Variants in ADGRF5 observed in about 807,000 individuals in gnomAD.
ADGRF5 encodes the protein G-protein coupled receptor 116.
ADGRF5 carries 75 observed loss-of-function variants against 132.3 expected under a neutral mutation model. The ratio of observed to expected loss-of-function variants is 0.57; its 90% CI spans 0.47 to 0.69. The LOEUF is 0.69. Ranked by LOEUF, ADGRF5 falls within the 30% of genes least tolerant of loss-of-function variation. The probability of loss-of-function intolerance (pLI) is 0.00; values close to 1 mark genes in which losing one functional copy is unlikely to be tolerated. For synonymous variants in ADGRF5, 629 were observed against 597.6 expected, an observed-to-expected ratio of 1.05 and a Z score of -0.77; for missense variants, 1,516 against 1,630.6, an observed-to-expected ratio of 0.93 and a Z score of 1.21.
At chr6:46,922,373 C>A, upstream of ADGRF5, among the ~76,000 whole-genome samples, 1 of 152,280 alleles carries the variant, frequency 6.6e-6, no homozygotes, top group East Asian at 1.9e-4. Context: ...CGCGGGAGGG[C>A]TGTACCTCAA....
chr6:46,857,286 T>A (rs1769166103), intron 17 of ADGRF5, among the ~76,000 whole-genome samples: 1 of 152,186 alleles, frequency 6.6e-6, no homozygotes, highest in African/African-American at 2.4e-5. Context: ...TCATTACATA[T>A]GAACTACATA....
chr6:46,918,953 A>G (rs78519793), intron 1 of ADGRF5, among the ~76,000 whole-genome samples: 4,594 of 152,322 alleles, frequency 0.03, 219 homozygotes, highest in African/African-American at 0.1. Context: ...ATTAAAAACA[A>G]CAAACAAACA....
At chr6:46,896,637 A>G (rs1774205867) in intron 3 of ADGRF5, among the ~76,000 whole-genome samples, 1 of 146,262 alleles carries the variant, frequency 6.8e-6, no homozygotes, top group Admixed American at 6.8e-5. Context: ...TAACAACCCT[A>G]TAAAGTAATA....
intron 1 of ADGRF5, among the ~76,000 whole-genome samples, chr6:46,947,062 C>A (rs906393799): frequency 6.6e-6 from 1 of 152,136 alleles, no homozygotes; most frequent in Non-Finnish European, 1.5e-5. Flanking sequence ...AATATATGGT[C>A]TTGAATTTTC....
At chr6:46,946,384 G>A (rs972902950) in intron 1 of ADGRF5, among the ~76,000 whole-genome samples, 1 of 152,196 alleles carries the variant, frequency 6.6e-6, no homozygotes, top group Non-Finnish European at 1.5e-5. Flanking sequence ...ATTTGCTGAG[G>A]TACACTGGGG....
chr6:46,898,456 C>T (rs913665243), intron 3 of ADGRF5, among the ~76,000 whole-genome samples: 3 of 151,858 alleles, frequency 2.0e-5, no homozygotes, highest in Non-Finnish European at 4.4e-5. Context: ...GAGCACAGAA[C>T]GTATATACTG....
chr6:46,878,543 G>T, intron 9 of ADGRF5, 138 bp from the exon 10 acceptor site: 2 of 619,504 alleles, frequency 3.2e-6, no homozygotes, highest in East Asian at 5.5e-5. Context: ...GTCTAAAGAC[G>T]CCTAAAAAAC....
At chr6:46,862,576 A>C (rs953531921) in intron 15 of ADGRF5, among the ~76,000 whole-genome samples, 1 of 152,036 alleles carries the variant, frequency 6.6e-6, no homozygotes, top group East Asian at 1.9e-4. Context: ...GGAGAGCAAT[A>C]AGAGAGAGGA....
At chr6:46,901,579 C>G (rs1028403603) in intron 2 of ADGRF5, among the ~76,000 whole-genome samples, 2 of 152,194 alleles carry the variant, frequency 1.3e-5, no homozygotes, top group African/African-American at 4.8e-5. Flanking sequence ...CCACATTTCA[C>G]TAATAAGAAA....
At chr6:46,881,678 A>C (rs1772482276) in intron 7 of ADGRF5, 81 bp from the exon 8 acceptor site, 1 of 1,190,372 alleles carries the variant, frequency 8.4e-7, no homozygotes. Context: ...TGCTTAGGAA[A>C]CAAAATAGCA....
intron 1 of ADGRF5, among the ~76,000 whole-genome samples, chr6:46,913,293 T>C (rs948803658): frequency 6.6e-6 from 1 of 151,928 alleles, no homozygotes; most frequent in Admixed American, 6.6e-5. Context: ...ATGTCTGGAG[T>C]ATGAGACCAG....
rs971255823 is a variant in ADGRF5, at chr6:46,867,271, T to C, written c.1622-134A>G. 2.3e-4 allele frequency: 139 copies of C among 602,160 alleles called. 3 individuals are homozygous for C. The highest frequency in any genetic ancestry group is 5.5e-5 in the African/African-American group (3 of 54,118). The allele number at this position is 602,160 out of a possible 1,614,324, so 37.3% of individuals were successfully genotyped here. The stretch of plus-strand genomic sequence containing the variant: ...AGGAATACCACAACTTCCTGGACAC[T>C]GGAGGAAAAAATGCTTGATTGATTC... On this transcript the variant is annotated intron_variant, in intron 12 of 20. Coordinates refer to ENST00000283296, the MANE Select transcript of ADGRF5 (RefSeq NM_001098518.2).
At chr6:46,899,177 G>T (rs1039287701) in intron 3 of ADGRF5, among the ~76,000 whole-genome samples, 2 of 152,166 alleles carry the variant, frequency 1.3e-5, no homozygotes, top group African/African-American at 4.8e-5. Context: ...TGAGGCTTCA[G>T]TGGGGGTCTC....
chr6:46,864,130 AT>A (rs1451606014), intron 14 of ADGRF5, among the ~76,000 whole-genome samples: 1 of 152,286 alleles, frequency 6.6e-6, no homozygotes, highest in Non-Finnish European at 1.5e-5. Context: ...CAGGGTCATC[AT>A]TTACCCCTTG....
At chr6:46,911,603 TATAA>T (rs1394754898) in intron 1 of ADGRF5, among the ~76,000 whole-genome samples, 1 of 152,202 alleles carries the variant, frequency 6.6e-6, no homozygotes, top group Non-Finnish European at 1.5e-5. Flanking sequence ...TCTGTCCAGT[TATAA>T]ATAGTCTCTA....
chr6:46,907,587 A>G (rs1231720968), intron 1 of ADGRF5, among the ~76,000 whole-genome samples: 1 of 151,886 alleles, frequency 6.6e-6, no homozygotes, highest in Non-Finnish European at 1.5e-5. Flanking sequence ...CATTTTTGAC[A>G]TTTTTTCACT....
intron 3 of ADGRF5, among the ~76,000 whole-genome samples, chr6:46,890,962 T>C (rs1773590950): frequency 6.6e-6 from 1 of 152,328 alleles, no homozygotes; most frequent in East Asian, 1.9e-4. Context: ...TTCAGAAAGC[T>C]GTAACATTTG....
chr6:46,857,061 C>G (rs521502), intron 17 of ADGRF5, among the ~76,000 whole-genome samples, 153 bp from the exon 18 acceptor site: 127,310 of 152,200 alleles, frequency 0.84, 55,025 homozygotes, highest in East Asian at 0.99. Flanking sequence ...TGTTCAAAGA[C>G]AGGCATTTGG....
intron 1 of ADGRF5, among the ~76,000 whole-genome samples, chr6:46,914,245 A>G (rs1776232798): frequency 2.0e-5 from 3 of 152,236 alleles, no homozygotes; most frequent in Admixed American, 6.5e-5. Flanking sequence ...CCTGAACTGT[A>G]GAAGTACAGA....
Sources: allele counts gnomAD v4.1 joint callset (sites outside exome capture counted in the v4.1 genomes callset), GRCh38; gene constraint gnomAD v4.1.1; transcripts MANE v1.5; gene names NCBI Gene and HGNC (gene_info 2026-07-23, HGNC 2026-07-21).